Variants in RBFOX1 observed in about 807,000 individuals in gnomAD.
RBFOX1 encodes the protein RNA binding protein fox-1 homolog 1.
In RBFOX1, 8 loss-of-function variants were observed where a neutral mutation model predicts 57.7. The ratio of observed to expected loss-of-function variants is 0.14; its 90% CI spans 0.08 to 0.25. The LOEUF is 0.25. Ranked by LOEUF, RBFOX1 falls within the 10% of genes least tolerant of loss-of-function variation. RBFOX1 has a pLI of 1.00. For synonymous variants in RBFOX1, 326 were observed against 222.4 expected (o/e 1.47, Z -4.15); for missense variants, 611 against 548.5 (o/e 1.11, Z -1.14).
intron 1 of RBFOX1, among the ~76,000 whole-genome samples, chr16:6,081,532 C>T (rs1307918681): frequency 6.6e-6 from 1 of 152,228 alleles, no homozygotes; most frequent in Non-Finnish European, 1.5e-5. Context: ...TTGTTGCTCT[C>T]TGCTGCCCCC....
chr16:6,960,731 C>T (rs1260563251), intron 3 of RBFOX1, among the ~76,000 whole-genome samples: 1 of 152,006 alleles, frequency 6.6e-6, no homozygotes, highest in African/African-American at 2.4e-5. Flanking sequence ...TACCTGTCAC[C>T]ACTGCAAGAG....
At chr16:7,639,068 A>G (rs2062294544) in intron 11 of RBFOX1, among the ~76,000 whole-genome samples, 1 of 152,182 alleles carries the variant, frequency 6.6e-6, no homozygotes, top group Non-Finnish European at 1.5e-5. Context: ...TTTAAATGAT[A>G]CAAAATGATC....
In RBFOX1 at chr16:7,180,714, G is replaced by GAA. The variant is rs71391606; in HGVS notation, c.27+128630_27+128631dup. On this transcript the variant is annotated intron_variant, in intron 4 of 15. Coordinates refer to ENST00000550418, the MANE Select transcript of RBFOX1 (RefSeq NM_018723.4). The stretch of plus-strand genomic sequence containing the variant: ...CATTTCTACTGTAAGTTATTATGAT[G>GAA]AAAAAAAAAAAAAAACCTGCCAGAA... Among the ~76,000 whole-genome samples, 296 of 146,140 alleles carry GAA rather than the reference G, an allele frequency of 2.0e-3. 3 individuals are homozygous for GAA. In the Middle Eastern group the frequency reaches 0.029, roughly 14 times the overall value.
chr16:5,431,772 C>T (rs751559653), intron 1 of RBFOX1, among the ~76,000 whole-genome samples: 1 of 152,162 alleles, frequency 6.6e-6, no homozygotes, highest in Non-Finnish European at 1.5e-5. Context: ...GTGGGTCTGT[C>T]TCTTATGCTG....
At chr16:7,304,918 GTGTGT>G (rs2096137934) in intron 4 of RBFOX1, among the ~76,000 whole-genome samples, 2 of 840 alleles carry the variant, frequency 2.4e-3, no homozygotes, top group Non-Finnish European at 4.1e-3. Context: ...GTGGTGTGGT[GTGTGT>G]GTGTGTGTGT....
intron 4 of RBFOX1, among the ~76,000 whole-genome samples, chr16:7,458,484 C>T (rs1003943720): frequency 6.6e-6 from 1 of 152,118 alleles, no homozygotes. Context: ...TCTCTAGCTG[C>T]TGTTTTTTAA....
intron 3 of RBFOX1, among the ~76,000 whole-genome samples, chr16:6,730,372 ATC>A (rs559589975): frequency 6.6e-6 from 1 of 151,960 alleles, no homozygotes; most frequent in Non-Finnish European, 1.5e-5. Flanking sequence ...AGCATGTGGA[ATC>A]TCTCTCTCTC....
intron 1 of RBFOX1, chr16:5,260,893 G>C (rs552241961): frequency 3.1e-4 from 47 of 152,370 alleles, no homozygotes; most frequent in African/African-American, 1.1e-3. Flanking sequence ...AATGGGTTCT[G>C]AGTCCAAATA....
chr16:7,361,790 G>C (rs1486086116), intron 4 of RBFOX1, among the ~76,000 whole-genome samples: 1 of 152,128 alleles, frequency 6.6e-6, no homozygotes, highest in Non-Finnish European at 1.5e-5. Flanking sequence ...GTGTATGTTT[G>C]TGTGTATGCC....
chr16:5,527,092 C>T (rs1269667894), intron 2 of RBFOX1, among the ~76,000 whole-genome samples: 2 of 152,180 alleles, frequency 1.3e-5, no homozygotes, highest in Non-Finnish European at 2.9e-5. Context: ...CAACTCTCAC[C>T]AGTCTGGAAA....
intron 4 of RBFOX1, among the ~76,000 whole-genome samples, chr16:7,157,877 T>A (rs2077469029): frequency 6.6e-6 from 1 of 152,250 alleles, no homozygotes; most frequent in South Asian, 2.1e-4. Flanking sequence ...TTTCAGCTTC[T>A]CTGTTCACTT....
intron 11 of RBFOX1, among the ~76,000 whole-genome samples, chr16:7,638,788 T>C (rs1442441463): frequency 6.6e-6 from 1 of 152,168 alleles, no homozygotes; most frequent in Non-Finnish European, 1.5e-5. Context: ...AATAAAACTT[T>C]ATTTACAAAA....
intron 3 of RBFOX1, among the ~76,000 whole-genome samples, chr16:6,952,164 C>T (rs879056442): frequency 6.6e-6 from 1 of 152,124 alleles, no homozygotes; most frequent in African/African-American, 2.4e-5. Flanking sequence ...GTTGTGAAGG[C>T]TCTATGTGGC....
intron 2 of RBFOX1, among the ~76,000 whole-genome samples, chr16:5,580,403 C>T (rs2046625839): frequency 6.6e-6 from 1 of 152,168 alleles, no homozygotes; most frequent in Admixed American, 6.5e-5. Flanking sequence ...GGGTAAGTGC[C>T]CACTGAGCTT....
At chr16:7,620,936 T>G (rs2059218571) in intron 10 of RBFOX1, among the ~76,000 whole-genome samples, 1 of 152,168 alleles carries the variant, frequency 6.6e-6, no homozygotes, top group East Asian at 1.9e-4. Flanking sequence ...ATGGGCACTG[T>G]CAATATTAGC....
chr16:7,203,781 A>G (rs781315283), intron 4 of RBFOX1, among the ~76,000 whole-genome samples: 10 of 152,170 alleles, frequency 6.6e-5, no homozygotes, highest in Admixed American at 1.3e-4. Context: ...CTCATAACCC[A>G]CCAAGCAAAG....
At chr16:7,335,261 C>T (rs2096764799) in intron 4 of RBFOX1, among the ~76,000 whole-genome samples, 1 of 152,172 alleles carries the variant, frequency 6.6e-6, no homozygotes, top group South Asian at 2.1e-4. Flanking sequence ...TTATGGGTTT[C>T]TTCCTCACTC....
At chr16:7,657,844 A>G (rs1301912881) in intron 12 of RBFOX1, among the ~76,000 whole-genome samples, 4 of 152,194 alleles carry the variant, frequency 2.6e-5, no homozygotes, top group Non-Finnish European at 5.9e-5. Context: ...ACCAACTCCC[A>G]ATTGATTGCC....
chr16:7,193,792 G>C (rs538962689), intron 4 of RBFOX1, among the ~76,000 whole-genome samples: 1 of 152,130 alleles, frequency 6.6e-6, no homozygotes, highest in Non-Finnish European at 1.5e-5. Context: ...TAGCACAACA[G>C]GTCCTAGAAG....
Sources: allele counts gnomAD v4.1 joint callset (sites outside exome capture counted in the v4.1 genomes callset), GRCh38; gene constraint gnomAD v4.1.1; transcripts MANE v1.5; gene names NCBI Gene and HGNC (gene_info 2026-07-23, HGNC 2026-07-21).